Variants in EPB41L4A observed in about 807,000 individuals in gnomAD.
EPB41L4A encodes band 4.1-like protein 4A.
In EPB41L4A, 100 loss-of-function variants were observed where a neutral mutation model predicts 108.6. That is an observed-to-expected ratio of 0.92 (90% confidence interval 0.78 to 1.09). The LOEUF is 1.09. EPB41L4A is among the 50% of genes least tolerant of loss of function. The probability of loss-of-function intolerance (pLI) is 0.00; values close to 1 mark genes in which losing one functional copy is unlikely to be tolerated. For missense variants in EPB41L4A, 1,030 were observed against 842.7 expected (o/e 1.22, Z -2.75); for synonymous variants, 319 against 289.0 (o/e 1.10, Z -1.05).
chr5:112,217,200 T>C (rs936504760), intron 12 of EPB41L4A, among the ~76,000 whole-genome samples: 3 of 152,112 alleles, frequency 2.0e-5, no homozygotes, highest in Non-Finnish European at 4.4e-5. Context: ...TGCCTCAGCC[T>C]CCCAAAATGC....
At chr5:112,193,243 TAAAG>T (rs1761794064) in intron 17 of EPB41L4A, among the ~76,000 whole-genome samples, 1 of 152,204 alleles carries the variant, frequency 6.6e-6, no homozygotes. Context: ...TTCTAAGCAT[TAAAG>T]AAAGACCTTG....
Position 112,324,720 on chromosome 5 carries a change from T to TA in EPB41L4A, c.100-17231dup, listed in dbSNP as rs60242363. Among the ~76,000 whole-genome samples the TA allele has an allele frequency of 5.8e-3, 593 of 101,664 alleles. 4 individuals are homozygous for TA. The highest frequency in any genetic ancestry group is 0.044 in the Middle Eastern group (7 of 160). The allele number at this position is 101,664 out of a possible 152,430, so 66.7% of individuals were successfully genotyped here. Reference sequence around the variant, plus strand: ...CTGGGTGACAGAGTGAGAGTCTGTCTAAAAAAAAAAAAAAAAAAAATTAAA... The same window carrying TA: ...CTGGGTGACAGAGTGAGAGTCTGTCTAAAAAAAAAAAAAAAAAAAAATTAAA... On this transcript the variant is annotated intron_variant, in intron 1 of 22. Transcript: ENST00000261486.
At chr5:112,407,620 T>C (rs1030079937) in intron 1 of EPB41L4A, among the ~76,000 whole-genome samples, 1 of 152,182 alleles carries the variant, frequency 6.6e-6, no homozygotes, top group Non-Finnish European at 1.5e-5. Context: ...TACCAAAAAA[T>C]TATTCATAAA....
chr5:112,209,409 A>G (rs1762622261), intron 13 of EPB41L4A, among the ~76,000 whole-genome samples: 1 of 152,266 alleles, frequency 6.6e-6, no homozygotes, highest in Non-Finnish European at 1.5e-5. Flanking sequence ...AAGCAGATGC[A>G]GAGGACCATG....
At chr5:112,231,156 G>T (rs575858985) in intron 12 of EPB41L4A, among the ~76,000 whole-genome samples, 1 of 152,236 alleles carries the variant, frequency 6.6e-6, no homozygotes, top group South Asian at 2.1e-4. Flanking sequence ...AAATATCCAA[G>T]AATTAAAGAT....
At chr5:112,374,484 A>T (rs1287518376) in intron 1 of EPB41L4A, among the ~76,000 whole-genome samples, 2 of 152,222 alleles carry the variant, frequency 1.3e-5, no homozygotes, top group African/African-American at 2.4e-5. Flanking sequence ...TCGCACTATA[A>T]AACACTCTGG....
At chr5:112,189,734 C>T (rs1172558356) in intron 17 of EPB41L4A, among the ~76,000 whole-genome samples, 1 of 152,146 alleles carries the variant, frequency 6.6e-6, no homozygotes, top group Admixed American at 6.5e-5. Flanking sequence ...CTCCCACTTC[C>T]AAACTTCTAA....
At chr5:112,207,566 C>T (rs750423058) in intron 13 of EPB41L4A, among the ~76,000 whole-genome samples, 2 of 152,248 alleles carry the variant, frequency 1.3e-5, no homozygotes, top group African/African-American at 4.8e-5. Flanking sequence ...GGAACTTCAA[C>T]AATTCAACAA....
rs192883590 is a variant in EPB41L4A at position 112,167,547 on chromosome 5, A to G, written c.1932+1192T>C. ...CCAGGAACTGCCCTCAGTTGAAGAG[A>G]AATCCCCCTTCCCAGAACATCCCTT... On this transcript the variant is annotated intron_variant, in intron 22 of 22. Transcript: ENST00000261486. Among the ~76,000 whole-genome samples the G allele has an allele frequency of 7.3e-4, 111 of 152,226 alleles. No individual in the cohort carries two copies. The East Asian group carries it at 0.013, about 18-fold the overall frequency.
At chr5:112,340,677 T>C (rs1336871174) in intron 1 of EPB41L4A, among the ~76,000 whole-genome samples, 1 of 152,210 alleles carries the variant, frequency 6.6e-6, no homozygotes, top group Non-Finnish European at 1.5e-5. Flanking sequence ...CCTTTTATAT[T>C]CGCTAGTTCT....
chr5:112,386,904 C>G (rs1760575493), intron 1 of EPB41L4A, among the ~76,000 whole-genome samples: 1 of 152,190 alleles, frequency 6.6e-6, no homozygotes, highest in African/African-American at 2.4e-5. Context: ...GATCCTTTCC[C>G]TTCTGCTATC....
In EPB41L4A at chr5:112,284,405, T is replaced by C. The variant is rs542397989; in HGVS notation, c.205-4082A>G. 2.0e-5 allele frequency among the ~76,000 whole-genome samples: 3 copies of C among 152,302 alleles called. No individual in the cohort carries two copies. In the South Asian group the frequency reaches 6.2e-4, roughly 32 times the overall value. On this transcript the variant is annotated intron_variant, in intron 2 of 22. Coordinates refer to ENST00000261486, the MANE Select transcript of EPB41L4A (RefSeq NM_022140.5). ...TTCAGAGAATGGTTTCTCTGAATTG[T>C]ACCCTGGTGTGCTGCCTCTTGCATA...
chr5:112,210,066 G>T, intron 12 of EPB41L4A, 84 bp from the exon 13 acceptor site: 1 of 777,714 alleles, frequency 1.3e-6, no homozygotes, highest in Non-Finnish European at 2.1e-6. Context: ...ATTTTAAAAT[G>T]CAATTTTAGG....
chr5:112,194,984 A>C (rs1181722005), intron 16 of EPB41L4A, among the ~76,000 whole-genome samples: 1 of 152,196 alleles, frequency 6.6e-6, no homozygotes, highest in Non-Finnish European at 1.5e-5. Context: ...TATGGACACA[A>C]AATCTTGTAA....
chr5:112,413,950 G>A (rs1007508169), intron 1 of EPB41L4A, among the ~76,000 whole-genome samples: 5 of 152,040 alleles, frequency 3.3e-5, no homozygotes, highest in African/African-American at 4.8e-5. Context: ...GAGGAAAGGT[G>A]GAATAAAGTT....
chr5:112,328,056 TC>T (rs1171613839), intron 1 of EPB41L4A, among the ~76,000 whole-genome samples: 1 of 152,160 alleles, frequency 6.6e-6, no homozygotes, highest in Non-Finnish European at 1.5e-5. Context: ...ACGCTCGTAA[TC>T]CCAGCACTTT....
chr5:112,285,835 C>T (rs1269539855), intron 2 of EPB41L4A, among the ~76,000 whole-genome samples: 4 of 152,120 alleles, frequency 2.6e-5, no homozygotes, highest in Non-Finnish European at 1.5e-5. Context: ...CTGTTGAGGA[C>T]TCTACATGTG....
chr5:112,403,366 T>A (rs1276121254), intron 1 of EPB41L4A, among the ~76,000 whole-genome samples: 1 of 147,124 alleles, frequency 6.8e-6, no homozygotes, highest in Non-Finnish European at 1.5e-5. Flanking sequence ...CAAGTCAGAG[T>A]CTTACAAAGG....
chr5:112,161,126 C>T (rs948190924), downstream of EPB41L4A: 2 of 185,834 alleles, frequency 1.1e-5, no homozygotes, highest in Non-Finnish European at 2.3e-5. Flanking sequence ...TCGACTATGC[C>T]AGGGAGTTCT....
Sources: allele counts gnomAD v4.1 joint callset (sites outside exome capture counted in the v4.1 genomes callset), GRCh38; gene constraint gnomAD v4.1.1; transcripts MANE v1.5; gene names NCBI Gene and HGNC (gene_info 2026-07-23, HGNC 2026-07-21).